Variants in KCNH1 observed in about 807,000 individuals in gnomAD.
KCNH1 encodes voltage-gated delayed rectifier potassium channel KCNH1.
Under a neutral mutation model 69.2 loss-of-function variants are expected in KCNH1, and 27 were observed. That is an observed-to-expected ratio of 0.39 (90% confidence interval 0.29 to 0.54). The LOEUF (loss-of-function observed/expected upper bound fraction) is 0.54. KCNH1 is among the 20% of genes least tolerant of loss of function. The pLI, the probability that KCNH1 is intolerant of heterozygous loss-of-function variation, is 0.68. For synonymous variants in KCNH1, 456 were observed against 487.7 expected (o/e 0.93, Z 0.86); for missense variants, 798 against 1,261.6 (o/e 0.63, Z 5.57).
intron 7 of KCNH1, among the ~76,000 whole-genome samples, chr1:210,846,952 T>C (rs1685564720): frequency 6.6e-6 from 1 of 152,118 alleles, no homozygotes; most frequent in Admixed American, 6.5e-5. Context: ...AAGAAGACAT[T>C]TATGCAGACA....
chr1:210,937,488 T>G (rs913659263), intron 6 of KCNH1, among the ~76,000 whole-genome samples: 1 of 152,198 alleles, frequency 6.6e-6, no homozygotes, highest in South Asian at 2.1e-4. Flanking sequence ...TAGTACCTAA[T>G]GGAGGAACTA....
chr1:211,026,785 G>A (rs944546191), intron 5 of KCNH1, among the ~76,000 whole-genome samples: 1 of 152,182 alleles, frequency 6.6e-6, no homozygotes, highest in Admixed American at 6.5e-5. Context: ...GCAGTCATGA[G>A]GTCACCTCCA....
intron 6 of KCNH1, among the ~76,000 whole-genome samples, chr1:210,969,627 T>G (rs1352057300): frequency 1.3e-5 from 2 of 152,156 alleles, no homozygotes; most frequent in Non-Finnish European, 2.9e-5. Context: ...CTGCCTTGAT[T>G]TAGGCCTAAC....
At chr1:210,888,168 C>T (rs1686658080) in intron 7 of KCNH1, among the ~76,000 whole-genome samples, 1 of 152,134 alleles carries the variant, frequency 6.6e-6, no homozygotes, top group Admixed American at 6.5e-5. Context: ...GTAAAACACA[C>T]CTCAGCAAAT....
intron 6 of KCNH1, among the ~76,000 whole-genome samples, chr1:210,997,115 C>T (rs953849270): frequency 6.6e-5 from 10 of 152,202 alleles, no homozygotes; most frequent in African/African-American, 1.4e-4. Context: ...CTCTCCTCCT[C>T]GAAAGAAACA....
intron 10 of KCNH1, among the ~76,000 whole-genome samples, chr1:210,771,882 G>A (rs987470675): frequency 6.6e-6 from 1 of 152,186 alleles, no homozygotes; most frequent in Non-Finnish European, 1.5e-5. Context: ...CCAAAATGCT[G>A]GATTTGCCTC....
At chr1:210,754,000 C>T (rs939600914) in intron 10 of KCNH1, among the ~76,000 whole-genome samples, 3 of 151,896 alleles carry the variant, frequency 2.0e-5, no homozygotes, top group Non-Finnish European at 2.9e-5. Context: ...CTGCAAGCCC[C>T]GCCTCCTGGG....
chr1:210,693,932 A>G (rs1681581016), intron 10 of KCNH1, among the ~76,000 whole-genome samples: 1 of 152,156 alleles, frequency 6.6e-6, no homozygotes, highest in African/African-American at 2.4e-5. Flanking sequence ...GCAAACCACA[A>G]GCCTTCCCTT....
chr1:210,920,850 A>C, intron 6 of KCNH1, among the ~76,000 whole-genome samples: 1 of 152,180 alleles, frequency 6.6e-6, no homozygotes, highest in East Asian at 1.9e-4. Flanking sequence ...AAATACAATC[A>C]GTCAAGGAAC....
chr1:210,713,646 G>A (rs748483381), intron 10 of KCNH1, among the ~76,000 whole-genome samples: 6 of 152,104 alleles, frequency 3.9e-5, no homozygotes, highest in South Asian at 4.2e-4. Flanking sequence ...CATCCCATCC[G>A]TCTGCGATTT....
intron 10 of KCNH1, among the ~76,000 whole-genome samples, chr1:210,704,527 G>A (rs962529093): frequency 2.6e-5 from 4 of 152,130 alleles, no homozygotes; most frequent in Non-Finnish European, 4.4e-5. Flanking sequence ...TTAGCAATAC[G>A]AAAATTGACA....
At chr1:211,084,197 T>C (rs971041557) in intron 4 of KCNH1, among the ~76,000 whole-genome samples, 2 of 150,778 alleles carry the variant, frequency 1.3e-5, no homozygotes, top group Non-Finnish European at 2.9e-5. Context: ...TCTCCCCCAG[T>C]GTCAATGAAT....
intron 5 of KCNH1, among the ~76,000 whole-genome samples, chr1:211,054,046 G>T (rs1016689341): frequency 6.6e-6 from 1 of 151,822 alleles, no homozygotes; most frequent in Non-Finnish European, 1.5e-5. Flanking sequence ...AAGGCAGGCA[G>T]ATCACCTGAG....
At chr1:210,889,785 C>T (rs1686705156) in intron 7 of KCNH1, among the ~76,000 whole-genome samples, 1 of 152,158 alleles carries the variant, frequency 6.6e-6, no homozygotes, top group African/African-American at 2.4e-5. Context: ...AGTGAACTCC[C>T]ATTCACAATT....
intron 6 of KCNH1, among the ~76,000 whole-genome samples, chr1:210,988,051 T>C (rs1441945282): frequency 2.0e-5 from 3 of 151,970 alleles, no homozygotes; most frequent in African/African-American, 4.8e-5. Flanking sequence ...TAGTAATGAG[T>C]GAGATTCTGT....
chr1:211,026,376 C>CAAAAAAAAA (rs34132386), intron 5 of KCNH1, among the ~76,000 whole-genome samples: 5 of 72,680 alleles, frequency 6.9e-5, no homozygotes, highest in Admixed American at 3.0e-4. Context: ...GGAGTATAGA[C>CAAAAAAAAA]AAAAAAAAAA....
chr1:211,087,651 A>G (rs1223612869), intron 4 of KCNH1, among the ~76,000 whole-genome samples: 1 of 151,604 alleles, frequency 6.6e-6, no homozygotes, highest in Non-Finnish European at 1.5e-5. Flanking sequence ...ACACACACAC[A>G]CACACACACA....
intron 7 of KCNH1, among the ~76,000 whole-genome samples, chr1:210,882,414 C>G (rs747139403): frequency 1.1e-4 from 16 of 152,058 alleles, no homozygotes; most frequent in Non-Finnish European, 2.1e-4. Flanking sequence ...CAGAGAAAGT[C>G]AGCTCTAGAT....
At chr1:210,831,125 C>G (rs1685154017) in intron 7 of KCNH1, among the ~76,000 whole-genome samples, 1 of 152,220 alleles carries the variant, frequency 6.6e-6, no homozygotes, top group Non-Finnish European at 1.5e-5. Context: ...CCTGCAAACA[C>G]AGACTTCTCC....
Sources: allele counts gnomAD v4.1 joint callset (sites outside exome capture counted in the v4.1 genomes callset), GRCh38; gene constraint gnomAD v4.1.1; transcripts MANE v1.5; gene names NCBI Gene and HGNC (gene_info 2026-07-23, HGNC 2026-07-21).